The following MNAT1 variants were observed in gnomAD, a reference collection of about 807,000 sequenced individuals.
MNAT1 encodes MNAT1 component of CDK activating kinase, also known as CDK-activating kinase assembly factor MAT1.
MNAT1 carries 43 observed loss-of-function variants against 42.0 expected under a neutral mutation model. The ratio of observed to expected loss-of-function variants is 1.02; its 90% CI spans 0.80 to 1.32. MNAT1 has a LOEUF of 1.32. Among genes scored for constraint, MNAT1 ranks in the 40% most tolerant of loss-of-function variants. The pLI is 0.00. For synonymous variants in MNAT1, 118 were observed against 120.0 expected (o/e 0.98, Z 0.11); for missense variants, 306 against 350.4 (o/e 0.87, Z 1.01).
intron 6 of MNAT1, among the ~76,000 whole-genome samples, chr14:60,858,262 C>T (rs1416303688): frequency 6.6e-6 from 1 of 152,184 alleles, no homozygotes; most frequent in East Asian, 1.9e-4. Flanking sequence ...TTAATGATTG[C>T]CATTCTCACT....
At chr14:60,917,127 G>A (rs980736958) in intron 7 of MNAT1, among the ~76,000 whole-genome samples, 4 of 152,056 alleles carry the variant, frequency 2.6e-5, no homozygotes, top group Non-Finnish European at 1.5e-5. Flanking sequence ...AGAAGTCACC[G>A]CTCAAATTGT....
At chr14:60,932,051 T>C (rs1197113872) in intron 7 of MNAT1, among the ~76,000 whole-genome samples, 1 of 152,014 alleles carries the variant, frequency 6.6e-6, no homozygotes, top group Non-Finnish European at 1.5e-5. Context: ...AAACTTCATA[T>C]TATAAGGATG....
chr14:60,802,169 A>G (rs554320729), intron 3 of MNAT1, among the ~76,000 whole-genome samples: 1 of 152,254 alleles, frequency 6.6e-6, no homozygotes, highest in South Asian at 2.1e-4. Flanking sequence ...TAATCAGGTA[A>G]ACATTGGAGA....
intron 7 of MNAT1, among the ~76,000 whole-genome samples, chr14:60,953,073 A>G (rs939308399): frequency 3.9e-5 from 6 of 152,130 alleles, no homozygotes; most frequent in Admixed American, 6.6e-5. Context: ...AATGGTAACC[A>G]GAGTCAAAAT....
intron 1 of MNAT1, among the ~76,000 whole-genome samples, chr14:60,744,335 T>A (rs1379409507): frequency 6.6e-6 from 1 of 152,210 alleles, no homozygotes; most frequent in African/African-American, 2.4e-5. Flanking sequence ...TTTTGCCCTG[T>A]TGGCCAGGCT....
In MNAT1 at chr14:60,963,013, G is replaced by A. The variant is rs569346358; in HGVS notation, c.810-5216G>A. ...TTTGTTTTTTTTAAGATGGAGTCTCGCTCTGTCGCCCAGGCTGGAGTGCAG... is the reference window on the plus strand; with the variant it reads ...TTTGTTTTTTTTAAGATGGAGTCTCACTCTGTCGCCCAGGCTGGAGTGCAG... On this transcript the variant is annotated intron_variant, in intron 7 of 7. Coordinates refer to ENST00000261245, the MANE Select transcript of MNAT1 (RefSeq NM_002431.4). 1.6e-4 allele frequency among the ~76,000 whole-genome samples: 24 copies of A among 151,812 alleles called. No individual in the cohort carries two copies. In the South Asian group the frequency reaches 2.5e-3, roughly 16 times the overall value.
intron 7 of MNAT1, among the ~76,000 whole-genome samples, chr14:60,925,365 G>A (rs114699552): frequency 3.2e-4 from 49 of 152,260 alleles, no homozygotes; most frequent in African/African-American, 1.2e-3. Flanking sequence ...TGGGGGTGGG[G>A]TTCTGGAAGC....
In MNAT1 at chr14:60,896,571, C is replaced by T. The variant is rs1228313226; in HGVS notation, c.809+16736C>T. Among the ~76,000 whole-genome samples, 8 of 152,206 alleles carry T rather than the reference C, an allele frequency of 5.3e-5. No homozygotes were observed. The East Asian group carries it at 7.7e-4, about 15-fold the overall frequency. The stretch of plus-strand genomic sequence containing the variant: ...CGTGATCTCGGCTCACTGCAACCTC[C>T]GCTTCCTGGGTTCACGCAACTCTCC... On this transcript the variant is annotated intron_variant, in intron 7 of 7. Coordinates refer to ENST00000261245, the MANE Select transcript of MNAT1 (RefSeq NM_002431.4).
chr14:60,917,692 G>A (rs1002445235), intron 7 of MNAT1, among the ~76,000 whole-genome samples: 10 of 149,900 alleles, frequency 6.7e-5, no homozygotes, highest in Non-Finnish European at 1.3e-4. Context: ...GCGTGATCTC[G>A]GCTCACTGCA....
At position 60,903,135 on chromosome 14, in the gene MNAT1, G is replaced by GTT. The variant is rs11434422; in HGVS notation, c.809+23306_809+23307dup. ...TAAGTATTATATTCGCTGTTTAAGT[G>GTT]TTTTTTTGTATCACATATATGTATT... On this transcript the variant is annotated intron_variant, in intron 7 of 7. Transcript: ENST00000261245. 1.4e-3 allele frequency among the ~76,000 whole-genome samples: 215 copies of GTT among 151,534 alleles called. 10 individuals are homozygous for GTT. The East Asian group carries it at 0.035, about 25-fold the overall frequency.
intron 1 of MNAT1, among the ~76,000 whole-genome samples, chr14:60,785,733 A>G (rs760001016): frequency 6.6e-6 from 1 of 152,200 alleles, no homozygotes; most frequent in Non-Finnish European, 1.5e-5. Context: ...TTGATTCACA[A>G]GAATGTATAT....
At chr14:60,767,162 G>A (rs1289935740) in intron 1 of MNAT1, among the ~76,000 whole-genome samples, 2 of 152,120 alleles carry the variant, frequency 1.3e-5, no homozygotes, top group Non-Finnish European at 2.9e-5. Context: ...TTTTGGATTG[G>A]AAATGCAATA....
At chr14:60,855,976 C>T (rs1228825423) in intron 6 of MNAT1, among the ~76,000 whole-genome samples, 1 of 152,162 alleles carries the variant, frequency 6.6e-6, no homozygotes, top group Non-Finnish European at 1.5e-5. Context: ...CCTTTAGACA[C>T]AACAATATTT....
Position 60,808,407 on chromosome 14 carries a change from T to C in MNAT1, c.399T>C (p.Ile133=). The part of the protein sequence containing the change: ...EIYQKENKDV[I]QKNKLKLTRE... ...ACCAAAAGGAAAACAAAGATGTTATTCAGAAAAATAAATTAAAGCTGGTCG... is the reference window on the plus strand; with the variant it reads ...ACCAAAAGGAAAACAAAGATGTTATCCAGAAAAATAAATTAAAGCTGGTCG... The change falls in exon 4 of 8, where the codon ATT becomes ATC. Residue 133 remains isoleucine, a synonymous_variant. Transcript: ENST00000261245. The C allele has an allele frequency of 6.4e-7, 1 of 1,563,376 alleles. No individual in the cohort carries two copies. Among genetic ancestry groups the C allele is most frequent in the South Asian group, 1.2e-5 (1 of 82,840 alleles).
At chr14:60,752,334 G>A (rs186075825) in intron 1 of MNAT1, among the ~76,000 whole-genome samples, 82 of 152,072 alleles carry the variant, frequency 5.4e-4, no homozygotes, top group African/African-American at 1.9e-3. Context: ...TATTCTTTGG[G>A]ATTAGGAATA....
chr14:60,797,575 T>C (rs769417808), intron 2 of MNAT1, among the ~76,000 whole-genome samples: 8 of 152,170 alleles, frequency 5.3e-5, no homozygotes, highest in Admixed American at 2.6e-4. Context: ...TTCTTCTCCG[T>C]AGTCATAAGA....
At chr14:60,815,936 T>C (rs946181061) in intron 5 of MNAT1, among the ~76,000 whole-genome samples, 17 of 152,214 alleles carry the variant, frequency 1.1e-4, no homozygotes, top group Non-Finnish European at 5.9e-5. Flanking sequence ...TAAATTTTTA[T>C]GACTAATGAA....
chr14:60,750,339 G>A (rs1345901997), intron 1 of MNAT1, among the ~76,000 whole-genome samples: 1 of 150,972 alleles, frequency 6.6e-6, no homozygotes, highest in Non-Finnish European at 1.5e-5. Context: ...GCATTCTCCT[G>A]CCTCAGCCTC....
At chr14:60,929,170 A>AAAAAAATAT (rs1555336771) in intron 7 of MNAT1, among the ~76,000 whole-genome samples, 1 of 47,460 alleles carries the variant, frequency 2.1e-5, no homozygotes, top group South Asian at 8.5e-4. Flanking sequence ...AAAAAAAAAA[A>AAAAAAATAT]ATATATATAT....
Sources: allele counts gnomAD v4.1 joint callset (sites outside exome capture counted in the v4.1 genomes callset), GRCh38; gene constraint gnomAD v4.1.1; transcripts MANE v1.5; gene names NCBI Gene and HGNC (gene_info 2026-07-23, HGNC 2026-07-21).